Variants in TMPRSS4 observed in about 807,000 individuals in gnomAD.
The protein encoded by TMPRSS4 is transmembrane protease serine 4.
Under a neutral mutation model 56.4 loss-of-function variants are expected in TMPRSS4, and 45 were observed. The ratio of observed to expected loss-of-function variants is 0.80; its 90% confidence interval spans 0.63 to 1.02. The LOEUF is 1.02. Ranked by LOEUF, TMPRSS4 falls within the 50% of genes least tolerant of loss-of-function variation. The pLI is 0.00. For missense variants in TMPRSS4, 546 were observed against 556.7 expected (o/e 0.98, Z 0.19); for synonymous variants, 205 against 211.0 (o/e 0.97, Z 0.25).
rs1000531986 is a variant in TMPRSS4, at chr11:118,114,788, G to T, written c.911-41G>T. ...TAATTTACAGAAAATTAACACTTAT[G>T]ATGAATAAAAGATCTCCTTCTTCCT... On this transcript the variant is annotated intron_variant, in intron 9 of 12. Transcript: ENST00000437212. 4 of 1,532,966 alleles carry T rather than the reference G, an allele frequency of 2.6e-6. No individual in the cohort carries two copies. In the African/African-American group the frequency reaches 5.5e-5, roughly 21 times the overall value. 95.0% of individuals were successfully genotyped at this position (1,532,966 alleles called of 1,614,324 possible).
chr11:118,085,647 G>C (rs971225114), intron 1 of TMPRSS4, among the ~76,000 whole-genome samples: 1 of 152,212 alleles, frequency 6.6e-6, no homozygotes, highest in Non-Finnish European at 1.5e-5. Flanking sequence ...TAAATTGCAA[G>C]GTTGAGAGAA....
intron 3 of TMPRSS4, among the ~76,000 whole-genome samples, chr11:118,102,765 G>A (rs917578129): frequency 3.3e-5 from 5 of 152,160 alleles, no homozygotes; most frequent in African/African-American, 4.8e-5. Flanking sequence ...ACTCAGAACT[G>A]GGTCTTCAGA....
chr11:118,119,345 T>C lies in TMPRSS4; in HGVS notation c.*1432T>C. The C allele has an allele frequency of 1.0e-6, 1 of 985,384 alleles. No individual in the cohort carries two copies. The highest frequency in any genetic ancestry group is 1.2e-6 in the Non-Finnish European group (1 of 829,924). The allele number at this position is 985,384 out of a possible 1,614,324, so 61.0% of individuals were successfully genotyped here. A position where few individuals can be genotyped will look rare whatever the true frequency, so the allele number is the denominator to read the frequency against. On this transcript the variant is annotated 3_prime_UTR_variant, in exon 13 of 13. Transcript: ENST00000437212. Reference sequence around the variant, plus strand: ...ATAACTGATGGCAGTAAATGTGGTCTCAAATTGCAGATGGTCTGGAGGAAA... The same window carrying C: ...ATAACTGATGGCAGTAAATGTGGTCCCAAATTGCAGATGGTCTGGAGGAAA...
At chr11:118,084,173 C>G (rs1303519934) in intron 1 of TMPRSS4, among the ~76,000 whole-genome samples, 1 of 152,162 alleles carries the variant, frequency 6.6e-6, no homozygotes, top group East Asian at 1.9e-4. Context: ...TTTTCACACA[C>G]ACATGAAACT....
chr11:118,096,380 G>A (rs1273987589), intron 2 of TMPRSS4, among the ~76,000 whole-genome samples: 2 of 152,310 alleles, frequency 1.3e-5, no homozygotes, highest in African/African-American at 2.4e-5. Flanking sequence ...TTCATTGGGC[G>A]CCAATCTCTA....
intron 1 of TMPRSS4, among the ~76,000 whole-genome samples, chr11:118,083,239 C>G (rs1945292769): frequency 6.6e-6 from 1 of 152,250 alleles, no homozygotes; most frequent in Admixed American, 6.5e-5. Context: ...TCTGTAACTT[C>G]CCCCGTTCCT....
intron 3 of TMPRSS4, among the ~76,000 whole-genome samples, chr11:118,099,739 A>T (rs906851716): frequency 7.2e-5 from 11 of 152,148 alleles, no homozygotes; most frequent in African/African-American, 2.4e-4. Context: ...CGGCTGGAAG[A>T]ACAGGGCGAG....
At chr11:118,110,921 A>G (rs1416796854) in intron 7 of TMPRSS4, among the ~76,000 whole-genome samples, 1 of 152,250 alleles carries the variant, frequency 6.6e-6, no homozygotes, top group African/African-American at 2.4e-5. Flanking sequence ...AAGCAGATCA[A>G]TTTGGCTAGA....
Position 118,113,418 on chromosome 11 carries a change from T to A in TMPRSS4, c.893T>A (p.Phe298Tyr), listed in dbSNP as rs1330920370. The part of the protein sequence containing the change: ...DNDIALMKLQ[F>Y]PLTFSGTVRP... Reference sequence around the variant, plus strand: ...GACATCGCCCTCATGAAGCTGCAGTTCCCACTCACTTTCTCAGGTGAGAAG... The same window carrying A: ...GACATCGCCCTCATGAAGCTGCAGTACCCACTCACTTTCTCAGGTGAGAAG... The change falls in exon 9 of 13, where the codon TTC becomes TAC. Residue 298 changes from phenylalanine to tyrosine, a missense_variant. Coordinates refer to ENST00000437212, the MANE Select transcript of TMPRSS4 (RefSeq NM_019894.4). 6.2e-7 allele frequency: 1 copy of A among 1,613,976 alleles called. No individual in the cohort carries two copies. The highest frequency in any genetic ancestry group is 1.3e-5 in the African/African-American group (1 of 74,904).
rs968547916 is a variant in TMPRSS4, at chr11:118,120,545, T to C, written c.*2632T>C. ...ATAACAGGCAGATTTGAAAAAGAACTGAATACAGCTTTTAGAAATAAAAAC... is the reference window on the plus strand; with the variant it reads ...ATAACAGGCAGATTTGAAAAAGAACCGAATACAGCTTTTAGAAATAAAAAC... On this transcript the variant is annotated 3_prime_UTR_variant, in exon 13 of 13. Transcript: ENST00000437212. 11 of 152,020 alleles carry C rather than the reference T, an allele frequency of 7.2e-5. No homozygotes were observed. Among genetic ancestry groups the C allele is most frequent in the South Asian group, 2.1e-4 (1 of 4,826 alleles). The allele number at this position is 152,020 out of a possible 1,614,324, so 9.4% of individuals were successfully genotyped here.
At chr11:118,102,176 GC>G (rs1946751667) in intron 3 of TMPRSS4, among the ~76,000 whole-genome samples, 1 of 151,828 alleles carries the variant, frequency 6.6e-6, no homozygotes, top group Non-Finnish European at 1.5e-5. Context: ...CCCCCGACAG[GC>G]CCCAGTGTGT....
At chr11:118,079,582 C>T (rs1270810731) in intron 1 of TMPRSS4, among the ~76,000 whole-genome samples, 1 of 152,198 alleles carries the variant, frequency 6.6e-6, no homozygotes, top group African/African-American at 2.4e-5. Context: ...CATTACTGTT[C>T]CGGAGACCTA....
intron 3 of TMPRSS4, among the ~76,000 whole-genome samples, chr11:118,099,793 A>T (rs1946645606): frequency 6.6e-6 from 1 of 151,474 alleles, no homozygotes; most frequent in African/African-American, 2.4e-5. Flanking sequence ...AGCAGGGAAG[A>T]CCCCCCAGGC....
chr11:118,097,819 G>A (rs769420066), intron 2 of TMPRSS4, among the ~76,000 whole-genome samples: 2 of 152,164 alleles, frequency 1.3e-5, no homozygotes, highest in African/African-American at 2.4e-5. Context: ...CGCCCAGGCT[G>A]TAGTACAATG....
At chr11:118,086,747 T>A (rs1004986627) in intron 1 of TMPRSS4, 1 of 152,894 alleles carries the variant, frequency 6.5e-6, no homozygotes, top group Non-Finnish European at 1.5e-5. Context: ...GACCCTCTCC[T>A]TACCTGTCAT....
chr11:118,097,015 A>G (rs1478088399), intron 2 of TMPRSS4, among the ~76,000 whole-genome samples: 14 of 111,418 alleles, frequency 1.3e-4, no homozygotes, highest in African/African-American at 4.8e-4. Flanking sequence ...AAAGAAAGAA[A>G]GAAAGAAAGA....
chr11:118,111,916 T>C lies in TMPRSS4; in HGVS notation c.743+16T>C. The C allele has an allele frequency of 1.3e-6, 2 of 1,599,894 alleles. No individual in the cohort carries two copies. The highest frequency in any genetic ancestry group is 1.7e-6 in the Non-Finnish European group (2 of 1,173,878). Reference sequence around the variant, plus strand: ...ACTGCTTCAGGTAAGACCCCAGCTGTAAGGAGGTCTCTGGGGACCAAGGCC... The same window carrying C: ...ACTGCTTCAGGTAAGACCCCAGCTGCAAGGAGGTCTCTGGGGACCAAGGCC... On this transcript the variant is annotated intron_variant, in intron 8 of 12. Transcript: ENST00000437212.
intron 11 of TMPRSS4, 182 bp downstream of exon 11, chr11:118,115,462 T>A: frequency 3.0e-6 from 2 of 667,114 alleles, no homozygotes; most frequent in South Asian, 4.1e-5. Context: ...TACCAATAGA[T>A]GAGTGGGTGG....
intron 1 of TMPRSS4, among the ~76,000 whole-genome samples, chr11:118,088,826 A>G (rs1945763776): frequency 6.6e-6 from 1 of 152,174 alleles, no homozygotes; most frequent in Non-Finnish European, 1.5e-5. Flanking sequence ...TTGTTTGGTG[A>G]CCTCTCAACT....
Sources: allele counts gnomAD v4.1 joint callset (sites outside exome capture counted in the v4.1 genomes callset), GRCh38; gene constraint gnomAD v4.1.1; transcripts MANE v1.5; gene names NCBI Gene and HGNC (gene_info 2026-07-23, HGNC 2026-07-21).